The following TMEFF2 variants were observed in gnomAD, a reference collection of about 807,000 sequenced individuals.
TMEFF2 encodes the protein tomoregulin-2.
TMEFF2 carries 28 observed loss-of-function variants against 53.8 expected under a neutral mutation model. That is an observed-to-expected ratio of 0.52 (90% CI 0.39 to 0.71). TMEFF2 has a LOEUF of 0.71. Among genes scored for constraint, TMEFF2 ranks in the 30% least tolerant of loss-of-function variants. The pLI is 0.00. For missense variants in TMEFF2, 353 were observed against 455.2 expected, an observed-to-expected ratio of 0.78 and a Z score of 2.04; for synonymous variants, 162 against 166.3, an observed-to-expected ratio of 0.97 and a Z score of 0.20.
Position 191,953,851 on chromosome 2 carries a change from T to G in TMEFF2, c.870-14A>C, listed in dbSNP as rs777524079. 6.3e-7 allele frequency: 1 copy of G among 1,591,896 alleles called. No individual in the cohort carries two copies. Among genetic ancestry groups the G allele is most frequent in the Non-Finnish European group, 8.6e-7 (1 of 1,165,950 alleles). Reference sequence around the variant, plus strand: ...CCAGCATCACACCTGGAAGAAATTATAGTGCCCAGTTACCTGTAGGGTGCT... The same window carrying G: ...CCAGCATCACACCTGGAAGAAATTAGAGTGCCCAGTTACCTGTAGGGTGCT... On this transcript the variant is annotated splice_polypyrimidine_tract_variant and intron_variant, in intron 8 of 9. Coordinates refer to ENST00000272771, the MANE Select transcript of TMEFF2 (RefSeq NM_016192.4).
At chr2:192,186,921 T>G (rs977278157) in intron 2 of TMEFF2, among the ~76,000 whole-genome samples, 1 of 152,272 alleles carries the variant, frequency 6.6e-6, no homozygotes, top group Admixed American at 6.5e-5. Flanking sequence ...ACTGATAAAG[T>G]GCTCATATGC....
chr2:192,116,085 G>A (rs1237530414), intron 4 of TMEFF2, among the ~76,000 whole-genome samples: 1 of 151,910 alleles, frequency 6.6e-6, no homozygotes, highest in Non-Finnish European at 1.5e-5. Flanking sequence ...AACAACTGAA[G>A]TGTCCATCAA....
intron 9 of TMEFF2, among the ~76,000 whole-genome samples, chr2:191,952,468 ATTC>A (rs1691915105): frequency 6.6e-6 from 1 of 152,104 alleles, no homozygotes; most frequent in South Asian, 2.1e-4. Flanking sequence ...TATGTTTTAG[ATTC>A]TTTTCTTTTT....
intron 4 of TMEFF2, among the ~76,000 whole-genome samples, chr2:192,073,106 G>T (rs986117563): frequency 1.3e-5 from 2 of 151,906 alleles, no homozygotes; most frequent in Non-Finnish European, 2.9e-5. Context: ...CTCTTAAGAG[G>T]GTCAGATGGT....
chr2:192,179,502 G>A (rs866481891), intron 4 of TMEFF2, 166 bp downstream of exon 4: 11 of 494,528 alleles, frequency 2.2e-5, no homozygotes, highest in South Asian at 6.0e-5. Flanking sequence ...TAATTTGCAC[G>A]GTATATACAT....
In TMEFF2 at chr2:192,005,548, G is replaced by A. The variant is rs145304401; in HGVS notation, c.537-6340C>T. On this transcript the variant is annotated intron_variant, in intron 5 of 9. Transcript: ENST00000272771. ...AGGTCTTTGACTTGGTGTCCATTCC[G>A]TATTTTGACCATACAATATTCCTAG... 6.8e-3 allele frequency among the ~76,000 whole-genome samples: 1,031 copies of A among 152,220 alleles called. 7 individuals are homozygous for A. The highest frequency in any genetic ancestry group is 0.024 in the Middle Eastern group (7 of 294).
At chr2:191,997,338 T>A (rs574143928) in intron 7 of TMEFF2, among the ~76,000 whole-genome samples, 3 of 148,670 alleles carry the variant, frequency 2.0e-5, no homozygotes, top group Middle Eastern at 6.8e-3. Context: ...TTCAGATCTC[T>A]ATATTAACTA....
intron 8 of TMEFF2, among the ~76,000 whole-genome samples, chr2:191,955,755 A>AT (rs1692063549): frequency 1.3e-5 from 2 of 151,892 alleles, no homozygotes; most frequent in South Asian, 4.2e-4. Flanking sequence ...GCACGGCTCC[A>AT]TGGGAGAGCA....
At chr2:191,968,287 C>T (rs1312098777) in intron 7 of TMEFF2, among the ~76,000 whole-genome samples, 1 of 152,000 alleles carries the variant, frequency 6.6e-6, no homozygotes, top group African/African-American at 2.4e-5. Flanking sequence ...TCAGCTAGTC[C>T]GTGGGAAAGA....
At chr2:191,985,619 G>C (rs1020729341) in intron 7 of TMEFF2, among the ~76,000 whole-genome samples, 3 of 152,164 alleles carry the variant, frequency 2.0e-5, no homozygotes, top group African/African-American at 7.2e-5. Flanking sequence ...CCCAGTAAAA[G>C]AGCAATGGTG....
chr2:192,102,874 A>T (rs1265535984), intron 4 of TMEFF2, among the ~76,000 whole-genome samples: 1 of 151,876 alleles, frequency 6.6e-6, no homozygotes, highest in Non-Finnish European at 1.5e-5. Context: ...CCTGGCCTCA[A>T]TAATGTCTTT....
At chr2:192,049,893 C>T (rs553719399) in intron 5 of TMEFF2, among the ~76,000 whole-genome samples, 11 of 152,036 alleles carry the variant, frequency 7.2e-5, no homozygotes, top group Non-Finnish European at 1.0e-4. Flanking sequence ...CCCAGCTACC[C>T]GGGAGGCTGA....
At chr2:192,135,792 G>C (rs965240774) in intron 4 of TMEFF2, among the ~76,000 whole-genome samples, 2 of 151,784 alleles carry the variant, frequency 1.3e-5, no homozygotes, top group South Asian at 4.2e-4. Context: ...GCCCTGCCCC[G>C]CCTTAACTGA....
chr2:191,974,522 T>C (rs1218526294), intron 7 of TMEFF2, among the ~76,000 whole-genome samples: 2 of 152,070 alleles, frequency 1.3e-5, no homozygotes, highest in African/African-American at 4.8e-5. Context: ...GTAGAAAATA[T>C]AGATAGGAAA....
intron 5 of TMEFF2, among the ~76,000 whole-genome samples, chr2:192,048,932 T>C (rs1574325426): frequency 6.6e-6 from 1 of 152,190 alleles, no homozygotes; most frequent in Non-Finnish European, 1.5e-5. Context: ...AATAATTCAA[T>C]ACCTCTGTGA....
intron 4 of TMEFF2, among the ~76,000 whole-genome samples, chr2:192,171,828 G>A (rs1457593428): frequency 6.6e-6 from 1 of 151,946 alleles, no homozygotes; most frequent in East Asian, 1.9e-4. Context: ...ATTACCATAT[G>A]ACAATCTGTG....
chr2:192,059,476 T>G (rs554646458), intron 4 of TMEFF2, among the ~76,000 whole-genome samples: 80 of 152,142 alleles, frequency 5.3e-4, no homozygotes, highest in Non-Finnish European at 6.5e-4. Context: ...TGATTATTAA[T>G]GCAACACAGA....
intron 4 of TMEFF2, among the ~76,000 whole-genome samples, chr2:192,123,337 G>GT (rs972528700): frequency 5.3e-5 from 8 of 151,868 alleles, no homozygotes; most frequent in African/African-American, 1.9e-4. Flanking sequence ...ATAAGTTTAT[G>GT]TTTTTTTTCC....
At chr2:192,182,542 T>C (rs1559161324) in intron 3 of TMEFF2, among the ~76,000 whole-genome samples, 1 of 152,078 alleles carries the variant, frequency 6.6e-6, no homozygotes, top group East Asian at 1.9e-4. Flanking sequence ...CATCAGGGAC[T>C]AGAATGGAAA....
Sources: allele counts gnomAD v4.1 joint callset (sites outside exome capture counted in the v4.1 genomes callset), GRCh38; gene constraint gnomAD v4.1.1; transcripts MANE v1.5; gene names NCBI Gene and HGNC (gene_info 2026-07-23, HGNC 2026-07-21).